The following CREB3L1 variants were observed in gnomAD, a reference collection of about 807,000 sequenced individuals.
CREB3L1 encodes the protein cyclic AMP-responsive element-binding protein 3-like protein 1.
CREB3L1 carries 33 observed loss-of-function variants against 54.5 expected under a neutral mutation model. The observed-to-expected ratio is 0.61, with a 90% CI of 0.46 to 0.81. The LOEUF (loss-of-function observed/expected upper bound fraction) is 0.81. Ranked by LOEUF, CREB3L1 falls within the 30% of genes least tolerant of loss-of-function variation. CREB3L1 has a pLI of 0.00. For missense variants in CREB3L1, 656 were observed against 673.3 expected, an observed-to-expected ratio of 0.97 and a Z score of 0.29; for synonymous variants, 284 against 286.4, an observed-to-expected ratio of 0.99 and a Z score of 0.08.
intron 2 of CREB3L1, among the ~76,000 whole-genome samples, chr11:46,306,161 A>G (rs1939394117): frequency 6.6e-6 from 1 of 152,162 alleles, no homozygotes; most frequent in Non-Finnish European, 1.5e-5. Context: ...CTCCTGCCTC[A>G]GCCTCCCAAA....
intron 1 of CREB3L1, among the ~76,000 whole-genome samples, chr11:46,284,236 T>C (rs1236949352): frequency 6.6e-6 from 1 of 152,112 alleles, no homozygotes; most frequent in Non-Finnish European, 1.5e-5. Context: ...GTGGGCGCCA[T>C]GATGGAGCAG....
chr11:46,316,146 G>C, intron 8 of CREB3L1, 140 bp from the exon 9 acceptor site: 1 of 612,466 alleles, frequency 1.6e-6, no homozygotes, highest in Non-Finnish European at 2.9e-6. Flanking sequence ...GAGCCACGCA[G>C]GAGGTGACCT....
intron 10 of CREB3L1, among the ~76,000 whole-genome samples, chr11:46,319,292 G>A (rs1939612598): frequency 1.3e-5 from 2 of 152,220 alleles, no homozygotes; most frequent in Non-Finnish European, 2.9e-5. Flanking sequence ...TGGCTGCAGA[G>A]CCGGAGGGGC....
At chr11:46,301,630 T>A (rs1939303895) in intron 2 of CREB3L1, among the ~76,000 whole-genome samples, 1 of 150,168 alleles carries the variant, frequency 6.7e-6, no homozygotes, top group South Asian at 2.1e-4. Flanking sequence ...GCCATTGCAA[T>A]CCAGCCTGGG....
At chr11:46,302,181 A>G (rs1179207159) in intron 2 of CREB3L1, among the ~76,000 whole-genome samples, 2 of 131,968 alleles carry the variant, frequency 1.5e-5, no homozygotes, top group Non-Finnish European at 3.2e-5. Flanking sequence ...TAATAATAAT[A>G]ATAATAATAA....
At position 46,320,828 on chromosome 11, in the gene CREB3L1, T is replaced by G; in HGVS notation, c.*82T>G. On this transcript the variant is annotated 3_prime_UTR_variant, in exon 12 of 12. Transcript: ENST00000621158. ...TGCTCACTAACCCGGATCCGCCTCG[T>G]GCCCCTGCCTCCTGGAGCTTCCCAT... 1.4e-6 allele frequency: 2 copies of G among 1,411,692 alleles called. No individual in the cohort carries two copies. The highest frequency in any genetic ancestry group is 2.0e-6 in the Non-Finnish European group (2 of 1,015,080). The allele number at this position is 1,411,692 out of a possible 1,614,324, so 87.4% of individuals were successfully genotyped here. A position where few individuals can be genotyped will look rare whatever the true frequency, so the allele number is the denominator to read the frequency against.
chr11:46,279,116 A>G (rs1165336172), intron 1 of CREB3L1, among the ~76,000 whole-genome samples: 2 of 152,120 alleles, frequency 1.3e-5, no homozygotes, highest in Non-Finnish European at 2.9e-5. Context: ...TGGGGAGTCT[A>G]GTGGGAGCCC....
In CREB3L1 at chr11:46,298,325, C is replaced by T. The variant is rs567253810; in HGVS notation, c.103-1610C>T. Among the ~76,000 whole-genome samples the T allele has an allele frequency of 1.1e-4, 17 of 152,332 alleles. No homozygotes were observed. The South Asian group carries it at 3.5e-3, about 32-fold the overall frequency. ...CCACTCAGCAGGCAGGGCTTCAGGA[C>T]CTAAGGCAGCCCCCCATCCCCCATC... is the stretch of plus-strand genomic sequence containing the variant. On this transcript the variant is annotated intron_variant, in intron 1 of 11. Transcript: ENST00000621158.
chr11:46,293,922 T>C (rs1423835746), intron 1 of CREB3L1, among the ~76,000 whole-genome samples: 2 of 152,178 alleles, frequency 1.3e-5, no homozygotes, highest in African/African-American at 4.8e-5. Context: ...TGAGTGTGTC[T>C]TGTTGAGTTT....
rs1939568571 is a variant in CREB3L1 at position 46,316,443 on chromosome 11, C to G, written c.1131+58C>G. 1.7e-5 allele frequency: 20 copies of G among 1,197,304 alleles called. No homozygotes were observed. The South Asian group carries it at 2.4e-4, about 14-fold the overall frequency. The allele number at this position is 1,197,304 out of a possible 1,614,324, so 74.2% of individuals were successfully genotyped here. A position where few individuals can be genotyped will look rare whatever the true frequency, so the allele number is the denominator to read the frequency against. On this transcript the variant is annotated intron_variant, in intron 9 of 11. Coordinates refer to ENST00000621158, the MANE Select transcript of CREB3L1 (RefSeq NM_052854.4). The stretch of plus-strand genomic sequence containing the variant: ...GGAGGAGAGTTCTTCCCAAGGCTGG[C>G]TTTTTCCAGGGTTGGGCAGAGCTTT...
Position 46,305,658 on chromosome 11 carries a change from A to ATATGTG in CREB3L1, c.332-2157_332-2156insATGTGT, listed in dbSNP as rs1267568914. Among the ~76,000 whole-genome samples the ATATGTG allele has an allele frequency of 3.0e-3, 265 of 87,502 alleles. 2 individuals are homozygous for ATATGTG. The highest frequency in any genetic ancestry group is 0.012 in the African/African-American group (251 of 21,342). The allele number at this position is 87,502 out of a possible 152,430, so 57.4% of individuals were successfully genotyped here. On this transcript the variant is annotated intron_variant, in intron 2 of 11. Coordinates refer to ENST00000621158, the MANE Select transcript of CREB3L1 (RefSeq NM_052854.4). ...TATATACATATATATGTGTGTATATATGTGTGTATATATATGTGTGTGTGT... is the reference window on the plus strand; with the variant it reads ...TATATACATATATATGTGTGTATATATATGTGTGTGTGTATATATATGTGTGTGTGT...
At chr11:46,309,521 T>G (rs899235317) in intron 3 of CREB3L1, among the ~76,000 whole-genome samples, 1 of 152,352 alleles carries the variant, frequency 6.6e-6, no homozygotes, top group East Asian at 1.9e-4. Flanking sequence ...TAGATTCTAC[T>G]TCTATTTATA....
chr11:46,308,718 C>T (rs1301716818), intron 3 of CREB3L1, among the ~76,000 whole-genome samples: 1 of 152,236 alleles, frequency 6.6e-6, no homozygotes, highest in African/African-American at 2.4e-5. Context: ...GCGTGGCTGG[C>T]CCTGCCCCCT....
At chr11:46,316,500 G>A in intron 9 of CREB3L1, 115 bp downstream of exon 9, 2 of 689,514 alleles carry the variant, frequency 2.9e-6, no homozygotes, top group East Asian at 5.5e-5. Context: ...CAGCGTCCCA[G>A]GGTACACCAT....
At chr11:46,318,793 G>A (rs1274765839) in intron 10 of CREB3L1, among the ~76,000 whole-genome samples, 2 of 152,192 alleles carry the variant, frequency 1.3e-5, no homozygotes, top group Non-Finnish European at 2.9e-5. Context: ...GAGGTCAGAG[G>A]AGGGAAGATT....
intron 2 of CREB3L1, 64 bp from the exon 3 acceptor site, chr11:46,307,752 A>T: frequency 7.2e-7 from 1 of 1,388,886 alleles, no homozygotes. Flanking sequence ...GGTAGCTCCC[A>T]GGGGGCAGGC....
chr11:46,300,990 G>GCGAGA (rs1441626545), intron 2 of CREB3L1, among the ~76,000 whole-genome samples: 1 of 130,616 alleles, frequency 7.7e-6, no homozygotes, highest in Non-Finnish European at 1.6e-5. Context: ...GGGCGACAGA[G>GCGAGA]CGAGACTCCA....
Position 46,307,833 on chromosome 11 carries a change from T to G in CREB3L1, c.349T>G (p.Trp117Gly), listed in dbSNP as rs1049083998. 5 of 1,577,582 alleles carry G rather than the reference T, an allele frequency of 3.2e-6. No individual in the cohort carries two copies. The African/African-American group carries it at 6.8e-5, about 21-fold the overall frequency. The change falls in exon 3 of 12, where the codon TGG (tryptophan) becomes GGG (glycine). Residue 117 changes from tryptophan (W) to glycine (G), a missense_variant. Physicochemically the swap from Trp to Gly is radical, Grantham distance 184. Around this residue, in one of 3 missense-constraint regions of CREB3L1, gnomAD observed 339 missense variants for 331.5 expected, o/e 1.02. Coordinates refer to ENST00000621158, the MANE Select transcript of CREB3L1 (RefSeq NM_052854.4). ...TCCCCTAGATGCAGAGCATGGAGCA[T>G]GGGCGCTGGGACACAAACTGTGCTC... ...DTTQDAEHGAWALGHKLCSIM... is the reference protein window; with the variant it reads ...DTTQDAEHGAGALGHKLCSIM...
chr11:46,316,089 G>C (rs894188932), intron 8 of CREB3L1, 197 bp from the exon 9 acceptor site: 2 of 509,454 alleles, frequency 3.9e-6, no homozygotes, highest in East Asian at 3.4e-5. Flanking sequence ...AGGTGACCCA[G>C]CCAGTCACCA....
Sources: gnomAD v4.1 joint callset for allele counts (sites outside exome capture counted in the v4.1 genomes callset) on GRCh38, gnomAD v4.1.1 for gene constraint, gnomAD v4.1.1 regional missense constraint, MANE v1.5 for transcripts, NCBI Gene and HGNC (gene_info 2026-07-23, HGNC 2026-07-21) for gene names.